Variants in FGF12 observed in about 807,000 individuals in gnomAD.
FGF12 encodes fibroblast growth factor 12.
FGF12 carries 14 observed loss-of-function variants against 23.6 expected under a neutral mutation model. The observed-to-expected ratio is 0.59, with a 90% CI of 0.39 to 0.93. FGF12 has a LOEUF of 0.93. Ranked by LOEUF, FGF12 falls within the 40% of genes least tolerant of loss-of-function variation. The probability of loss-of-function intolerance (pLI) is 0.00; values close to 1 mark genes in which losing one functional copy is unlikely to be tolerated. For synonymous variants in FGF12, 62 were observed against 77.3 expected, an observed-to-expected ratio of 0.80 and a Z score of 1.04; for missense variants, 175 against 217.8, an observed-to-expected ratio of 0.80 and a Z score of 1.24.
Position 192,514,204 on chromosome 3 carries a change from CT to C in FGF12, c.14-153667del, listed in dbSNP as rs1724584453. 6.6e-6 allele frequency among the ~76,000 whole-genome samples: 1 copy of C among 152,232 alleles called. No homozygotes were observed. On this transcript the variant is annotated intron_variant, in intron 2 of 5. Transcript: ENST00000445105. This position sits in a 1 kb window ranked among gnomAD's most constrained non-coding sequence, Gnocchi z 4.9. ...CGTACCCCTAACCACCGCCAGATGT[CT>C]ACTTTTCAGACAAAGCAAGAAAAAG...
intron 2 of FGF12, among the ~76,000 whole-genome samples, chr3:192,674,642 A>G (rs1443987287): frequency 6.6e-6 from 1 of 152,250 alleles, no homozygotes; most frequent in Non-Finnish European, 1.5e-5. Flanking sequence ...TTAGATGAAT[A>G]AAAGTTTCTG....
chr3:192,440,986 G>A (rs1245463009), intron 2 of FGF12, among the ~76,000 whole-genome samples: 1 of 152,166 alleles, frequency 6.6e-6, no homozygotes, highest in African/African-American at 2.4e-5. Context: ...TAGGATAAAG[G>A]ACTTCAATCT....
intron 2 of FGF12, among the ~76,000 whole-genome samples, chr3:192,711,678 G>T (rs149520713): frequency 1.6e-4 from 25 of 152,074 alleles, no homozygotes; most frequent in Non-Finnish European, 2.5e-4. Flanking sequence ...AACATGTACC[G>T]TGTCCACTCA....
At chr3:192,181,639 T>G (rs1040772940) in intron 4 of FGF12, among the ~76,000 whole-genome samples, 3 of 151,502 alleles carry the variant, frequency 2.0e-5, no homozygotes, top group Admixed American at 6.6e-5. Flanking sequence ...GTTTTTTTTT[T>G]TTTTTTTTGA....
At chr3:192,599,625 G>T (rs1193782858) in intron 2 of FGF12, among the ~76,000 whole-genome samples, 1 of 151,998 alleles carries the variant, frequency 6.6e-6, no homozygotes, top group African/African-American at 2.4e-5. Flanking sequence ...TTATAATGGA[G>T]GGAAGATTTA....
Position 192,350,991 on chromosome 3 carries a change from G to A in FGF12, c.124+9437C>T, listed in dbSNP as rs140768991. 3.2e-3 allele frequency among the ~76,000 whole-genome samples: 493 copies of A among 152,202 alleles called. 1 individual carries two copies. The highest frequency in any genetic ancestry group is 0.011 in the African/African-American group (477 of 41,522). On this transcript the variant is annotated intron_variant, in intron 3 of 5. Coordinates refer to ENST00000445105, the MANE Select transcript of FGF12 (RefSeq NM_004113.6). ...GCTTGGACTAGGGAGTGGCAATAGG[G>A]GTATTGAGAATTGCTGGAAATCTGT... is the stretch of plus-strand genomic sequence containing the variant.
chr3:192,344,139 G>T (rs747108733), intron 3 of FGF12, among the ~76,000 whole-genome samples: 85 of 152,060 alleles, frequency 5.6e-4, no homozygotes, highest in Non-Finnish European at 1.5e-4. Context: ...GTATTTCTTG[G>T]CTCTGAATGC....
intron 2 of FGF12, among the ~76,000 whole-genome samples, chr3:192,623,127 A>T (rs1188124195): frequency 6.6e-6 from 1 of 152,236 alleles, no homozygotes; most frequent in Non-Finnish European, 1.5e-5. Context: ...TATGGTAGAT[A>T]AAGATAGAAA....
intron 2 of FGF12, among the ~76,000 whole-genome samples, chr3:192,677,022 A>G (rs1717348761): frequency 6.6e-6 from 1 of 152,228 alleles, no homozygotes; most frequent in Admixed American, 6.5e-5. Context: ...GTGTTCCTCC[A>G]GTGTCTAGTA....
intron 2 of FGF12, among the ~76,000 whole-genome samples, chr3:192,426,454 A>G (rs1721689763): frequency 6.6e-6 from 1 of 152,234 alleles, no homozygotes; most frequent in Admixed American, 6.5e-5. Context: ...TGAGGCAGGA[A>G]GCTACAAGGG....
intron 4 of FGF12, among the ~76,000 whole-genome samples, chr3:192,312,013 A>C (rs535709040): frequency 6.6e-6 from 1 of 151,744 alleles, no homozygotes; most frequent in Admixed American, 6.6e-5. Context: ...CAATTAGGTT[A>C]TATGTCTTTT....
intron 2 of FGF12, among the ~76,000 whole-genome samples, chr3:192,461,748 T>C (rs1395265259): frequency 6.6e-6 from 1 of 152,072 alleles, no homozygotes; most frequent in African/African-American, 2.4e-5. Context: ...CAGCACTTTG[T>C]GAGGCCAAGG....
chr3:192,328,600 G>A lies in FGF12; in HGVS notation c.228+6761C>T, dbSNP rs566829642. On this transcript the variant is annotated intron_variant, in intron 4 of 5. Transcript: ENST00000445105. ...CCTCTCTCAAAGATAAACTGTAACC[G>A]TGAGTATAACCATGGTTTTCAGTGA... Among the ~76,000 whole-genome samples the A allele has an allele frequency of 5.9e-5, 9 of 152,238 alleles. No individual in the cohort carries two copies. The South Asian group carries it at 1.0e-3, about 18-fold the overall frequency.
chr3:192,163,670 G>T (rs1458060228), intron 5 of FGF12, among the ~76,000 whole-genome samples: 2 of 152,136 alleles, frequency 1.3e-5, no homozygotes. Context: ...TTTGCTCTGA[G>T]AATCTGTTAG....
intron 4 of FGF12, among the ~76,000 whole-genome samples, chr3:192,278,063 A>G (rs898683264): frequency 6.6e-6 from 1 of 152,096 alleles, no homozygotes; most frequent in Admixed American, 6.6e-5. Flanking sequence ...GCCCAGCCAC[A>G]TTTCTCCTTT....
At position 192,262,157 on chromosome 3, in the gene FGF12, G is replaced by A. The variant is rs576535134; in HGVS notation, c.228+73204C>T. 3.1e-4 allele frequency among the ~76,000 whole-genome samples: 47 copies of A among 152,254 alleles called. No individual in the cohort carries two copies. The South Asian group carries it at 9.7e-3, about 32-fold the overall frequency. On this transcript the variant is annotated intron_variant, in intron 4 of 5. Transcript: ENST00000445105. ...GGTGACAGACTGCTATGAATTTTGT[G>A]CTGACTCCGTACACATAAATTAAAC...
At chr3:192,413,303 C>T (rs891956402) in intron 2 of FGF12, among the ~76,000 whole-genome samples, 2 of 152,204 alleles carry the variant, frequency 1.3e-5, no homozygotes, top group African/African-American at 2.4e-5. Context: ...TCCACATTCT[C>T]TCTGCCCTCA....
At chr3:192,634,954 G>A (rs922132856) in intron 2 of FGF12, among the ~76,000 whole-genome samples, 3 of 152,102 alleles carry the variant, frequency 2.0e-5, no homozygotes, top group Non-Finnish European at 4.4e-5. Flanking sequence ...CTGCCTCCCA[G>A]GTTCAAGCGA....
chr3:192,443,254 T>C (rs1025797490), intron 2 of FGF12, among the ~76,000 whole-genome samples: 9 of 152,188 alleles, frequency 5.9e-5, no homozygotes, highest in African/African-American at 1.2e-4. Context: ...GTAAACATCA[T>C]AGTATTCAGA....
Sources: allele counts gnomAD v4.1 joint callset (sites outside exome capture counted in the v4.1 genomes callset), GRCh38; gene constraint gnomAD v4.1.1; non-coding constraint Gnocchi (gnomAD v3.1); transcripts MANE v1.5; gene names NCBI Gene and HGNC (gene_info 2026-07-23, HGNC 2026-07-21).